SAMD8: variants seen among roughly 807,000 people sequenced by gnomAD.
The protein encoded by SAMD8 is sterile alpha motif domain containing 8, also known as sphingomyelin synthase-related protein 1.
Under a neutral mutation model 42.0 loss-of-function variants are expected in SAMD8, and 20 were observed. That is an observed-to-expected ratio of 0.48 (90% CI 0.34 to 0.69). The LOEUF is 0.69. SAMD8 is among the 30% of genes least tolerant of loss of function. The pLI, the probability that SAMD8 is intolerant of heterozygous loss-of-function variation, is 0.01. For missense variants in SAMD8, 328 were observed against 511.6 expected, an observed-to-expected ratio of 0.64 and a Z score of 3.46; for synonymous variants, 162 against 173.0, an observed-to-expected ratio of 0.94 and a Z score of 0.50.
intron 2 of SAMD8, among the ~76,000 whole-genome samples, chr10:75,161,087 G>A (rs1006234412): frequency 1.3e-5 from 2 of 152,010 alleles, no homozygotes; most frequent in Non-Finnish European, 2.9e-5. Flanking sequence ...ATCTACTTAA[G>A]CTTTTAGACC....
chr10:75,151,620 G>A (rs1301207421), intron 2 of SAMD8, among the ~76,000 whole-genome samples: 1 of 152,128 alleles, frequency 6.6e-6, no homozygotes, highest in African/African-American at 2.4e-5. Flanking sequence ...TTAAAGTGTT[G>A]GGATTACAGG....
Position 75,111,666 on chromosome 10 carries a change from G to A in SAMD8, c.-72G>A. ...GGCGGGGAGGGCCCCGGACTCCGAC[G>A]GCGGCTCGGACGCCGACTCGGAGGT... On this transcript the variant is annotated 5_prime_UTR_variant, in exon 1 of 6. Coordinates refer to ENST00000542569, the MANE Select transcript of SAMD8 (RefSeq NM_001174156.2). 1 of 1,239,870 alleles carries A rather than the reference G, an allele frequency of 8.1e-7. No homozygotes were observed. The highest frequency in any genetic ancestry group is 1.0e-6 in the Non-Finnish European group (1 of 992,264). 76.8% of individuals were successfully genotyped at this position (1,239,870 alleles called of 1,614,324 possible). A position where few individuals can be genotyped will look rare whatever the true frequency, so the allele number is the denominator to read the frequency against.
intron 1 of SAMD8, among the ~76,000 whole-genome samples, chr10:75,124,873 C>G (rs189189235): frequency 4.6e-5 from 7 of 151,594 alleles, no homozygotes; most frequent in Non-Finnish European, 1.0e-4. Flanking sequence ...ATGGCACAGT[C>G]ATGGCTCAGC....
chr10:75,126,515 T>C (rs1849140929), intron 1 of SAMD8, among the ~76,000 whole-genome samples: 1 of 150,914 alleles, frequency 6.6e-6, no homozygotes, highest in South Asian at 2.1e-4. Context: ...TTTTTTTTTT[T>C]TTTTGAGACA....
chr10:75,148,249 T>C (rs758286652), intron 1 of SAMD8, among the ~76,000 whole-genome samples: 1 of 152,076 alleles, frequency 6.6e-6, no homozygotes, highest in Non-Finnish European at 1.5e-5. Flanking sequence ...ATGATATAAA[T>C]GGTGCTCATG....
chr10:75,159,120 G>A (rs1310021284), intron 2 of SAMD8, among the ~76,000 whole-genome samples: 2 of 142,120 alleles, frequency 1.4e-5, no homozygotes, highest in Non-Finnish European at 3.0e-5. Context: ...GTATAGTGGT[G>A]CAATCTCAAC....
chr10:75,112,123 C>G (rs1195319423), intron 1 of SAMD8, among the ~76,000 whole-genome samples: 1 of 152,112 alleles, frequency 6.6e-6, no homozygotes, highest in Non-Finnish European at 1.5e-5. Flanking sequence ...AGACCTGGGC[C>G]GGTGTTCCCT....
intron 1 of SAMD8, among the ~76,000 whole-genome samples, chr10:75,136,344 A>T (rs2134453595): frequency 6.6e-6 from 1 of 152,342 alleles, no homozygotes; most frequent in South Asian, 2.1e-4. Context: ...CATTCCAAAG[A>T]ATGCAAAAGT....
chr10:75,114,764 AATCTTTCCTGTCTTCAGATTC>A (rs1190724099), intron 1 of SAMD8, among the ~76,000 whole-genome samples: 1 of 152,188 alleles, frequency 6.6e-6, no homozygotes, highest in African/African-American at 2.4e-5. Context: ...TATGGATGGA[AATCTTTCCTGTCTTCAGATTC>A]TACCCCCTTC....
chr10:75,156,381 G>A (rs1380857588), intron 2 of SAMD8, among the ~76,000 whole-genome samples: 3 of 152,198 alleles, frequency 2.0e-5, no homozygotes, highest in Non-Finnish European at 2.9e-5. Context: ...CTCCTCCAGT[G>A]TATTCAGGCA....
rs1003923090 is a variant in SAMD8 at position 75,171,160 on chromosome 10, C to CTTTTTTTTTTTTTTTT, written c.792+2511_792+2526dup. On this transcript the variant is annotated intron_variant, in intron 4 of 5. Transcript: ENST00000542569. ...TCCTTTTCTTTCTTTCTTTCTTTTT[C>CTTTTTTTTTTTTTTTT]TTTTTTTTTTTTTTTTTTTTTTTTG... is the stretch of plus-strand genomic sequence containing the variant. Among the ~76,000 whole-genome samples the CTTTTTTTTTTTTTTTT allele has an allele frequency of 8.5e-4, 58 of 68,520 alleles. 1 individual carries two copies. The highest frequency in any genetic ancestry group is 1.8e-3 in the African/African-American group (31 of 17,384). The allele number at this position is 68,520 out of a possible 152,430, so 45.0% of individuals were successfully genotyped here.
chr10:75,138,694 T>C (rs540900740), intron 1 of SAMD8, among the ~76,000 whole-genome samples: 1 of 152,180 alleles, frequency 6.6e-6, no homozygotes, highest in Non-Finnish European at 1.5e-5. Context: ...TAAATTTGTT[T>C]GGAGAGAAAA....
At chr10:75,147,734 A>C (rs1181645976) in intron 1 of SAMD8, among the ~76,000 whole-genome samples, 1 of 152,252 alleles carries the variant, frequency 6.6e-6, no homozygotes, top group Non-Finnish European at 1.5e-5. Flanking sequence ...ATTTAGTCAG[A>C]GATACTTTGG....
chr10:75,147,142 G>GA (rs530540450), intron 1 of SAMD8, among the ~76,000 whole-genome samples: 1 of 152,000 alleles, frequency 6.6e-6, no homozygotes. Flanking sequence ...TAAGACAGTG[G>GA]AAAAAAACAT....
intron 1 of SAMD8, among the ~76,000 whole-genome samples, chr10:75,148,478 C>T (rs546123389): frequency 6.6e-6 from 1 of 151,624 alleles, no homozygotes; most frequent in South Asian, 2.1e-4. Flanking sequence ...CTCAGCCTCC[C>T]AAGTAGCTGG....
chr10:75,116,766 C>T (rs1848890511), intron 1 of SAMD8, among the ~76,000 whole-genome samples: 3 of 152,068 alleles, frequency 2.0e-5, no homozygotes, highest in African/African-American at 7.2e-5. Flanking sequence ...AGTCTTGAGC[C>T]AGTTTCTCAT....
chr10:75,146,055 C>T (rs995191549), intron 1 of SAMD8, among the ~76,000 whole-genome samples: 3 of 152,036 alleles, frequency 2.0e-5, no homozygotes, highest in South Asian at 4.1e-4. Context: ...CTGTGTATCT[C>T]GTCTCCAGTA....
chr10:75,122,124 G>A (rs1849018634), intron 1 of SAMD8, among the ~76,000 whole-genome samples: 1 of 151,580 alleles, frequency 6.6e-6, no homozygotes, highest in Non-Finnish European at 1.5e-5. Context: ...TTTTCTCTCT[G>A]ATTATAAGTA....
intron 2 of SAMD8, among the ~76,000 whole-genome samples, chr10:75,160,297 C>T (rs1033146370): frequency 5.3e-5 from 8 of 151,874 alleles, no homozygotes; most frequent in Non-Finnish European, 1.0e-4. Context: ...CCTGGGTTCA[C>T]GCCATTCTCC....
Sources: allele counts gnomAD v4.1 joint callset (sites outside exome capture counted in the v4.1 genomes callset), GRCh38; gene constraint gnomAD v4.1.1; transcripts MANE v1.5; gene names NCBI Gene and HGNC (gene_info 2026-07-23, HGNC 2026-07-21).